Variants in SNURF observed in about 807,000 individuals in gnomAD.
SNURF encodes the protein SNURF protein.
Under a neutral mutation model 11.6 loss-of-function variants are expected in SNURF, and 6 were observed. That is an observed-to-expected ratio of 0.52 (90% CI 0.28 to 1.02). The LOEUF is 1.02. Among genes scored for constraint, SNURF ranks in the 50% least tolerant of loss-of-function variants. The probability of loss-of-function intolerance (pLI) is 0.09; values close to 1 mark genes in which losing one functional copy is unlikely to be tolerated. For missense variants in SNURF, 84 were observed against 88.4 expected, an observed-to-expected ratio of 0.95 and a Z score of 0.20; for synonymous variants, 29 against 31.6, an observed-to-expected ratio of 0.92 and a Z score of 0.27.
At chr15:24,968,048 G>C (rs2075905251) in exon 3 of SNURF, 1 of 1,611,882 alleles carries the variant, frequency 6.2e-7, no homozygotes, top group African/African-American at 1.3e-5. Context: ...AGCCATATTG[G>C]AGTAGCGAGG....
intron 2 of SNURF, among the ~76,000 whole-genome samples, chr15:24,963,955 C>G (rs929147937): frequency 6.6e-6 from 1 of 151,950 alleles, no homozygotes; most frequent in African/African-American, 2.4e-5. Flanking sequence ...TCACTTGATC[C>G]CAGGAGGTTG....
At chr15:24,975,787 T>C (rs910509612) in intron 4 of SNURF, among the ~76,000 whole-genome samples, 1 of 152,206 alleles carries the variant, frequency 6.6e-6, no homozygotes, top group South Asian at 2.1e-4. Context: ...AGAAAAATGC[T>C]ATATTAATTA....
intron 3 of SNURF, chr15:24,974,766 C>A (rs1253580504): frequency 3.3e-6 from 2 of 615,232 alleles, no homozygotes; most frequent in Non-Finnish European, 5.8e-6. Flanking sequence ...ACTGTGTTGG[C>A]CAGGCTGGTC....
Position 24,962,218 on chromosome 15 carries a change from A to G in SNURF, c.110+9A>G. The G allele has an allele frequency of 6.2e-7, 1 of 1,610,512 alleles. No individual in the cohort carries two copies. The highest frequency in any genetic ancestry group is 1.1e-5 in the South Asian group (1 of 91,014). ...TCACTGAGCAACCAAGAGTGAGTAC[A>G]GACTGTGTTGGGAACAAATGCAAGT... On this transcript the variant is annotated intron_variant, in intron 2 of 2. Coordinates refer to ENST00000577949, the Ensembl canonical transcript of SNURF.
At chr15:24,958,457 C>T (rs1230354491) in intron 1 of SNURF, among the ~76,000 whole-genome samples, 1 of 124,518 alleles carries the variant, frequency 8.0e-6, no homozygotes, top group African/African-American at 3.0e-5. Flanking sequence ...GGTAGCCTCT[C>T]TCCATTTCTG....
At chr15:24,958,836 A>C (rs545262014) in intron 1 of SNURF, 1 of 154,450 alleles carries the variant, frequency 6.5e-6, no homozygotes, top group East Asian at 1.9e-4. Flanking sequence ...CTCCTGCCTC[A>C]GCCTCCCAAG....
At chr15:24,967,857 T>A in intron 2 of SNURF, 75 bp from the exon 3 acceptor site, 3 of 1,080,464 alleles carry the variant, frequency 2.8e-6, no homozygotes, top group Non-Finnish European at 4.3e-6. Context: ...TAAGGGTACC[T>A]AGTTTTCTTT....
downstream of SNURF, among the ~76,000 whole-genome samples, chr15:24,970,789 C>T (rs774776029): frequency 2.0e-5 from 3 of 152,092 alleles, no homozygotes; most frequent in Admixed American, 6.6e-5. Flanking sequence ...TTTCTCAGTA[C>T]CACCCTTTGT....
intron 1 of SNURF, among the ~76,000 whole-genome samples, chr15:24,958,496 T>TTG (rs1341538599): frequency 8.3e-5 from 9 of 108,632 alleles, no homozygotes; most frequent in Admixed American, 5.2e-4. Context: ...GTTTTTTTTT[T>TTG]TTTTTTTTTT....
intron 1 of SNURF, among the ~76,000 whole-genome samples, chr15:24,957,867 C>T (rs1179559819): frequency 1.3e-5 from 2 of 152,090 alleles, no homozygotes; most frequent in African/African-American, 4.8e-5. Context: ...CATTCAGGCC[C>T]GGGATCCTAA....
intron 3 of SNURF, chr15:24,975,232 G>A: frequency 1.4e-6 from 1 of 714,762 alleles, no homozygotes; most frequent in Middle Eastern, 2.4e-4. Flanking sequence ...TGGTGAAAAA[G>A]GAGAGAATAT....
intron 5 of SNURF, chr15:24,976,466 A>G (rs1877371514): frequency 8.4e-7 from 1 of 1,186,946 alleles, no homozygotes; most frequent in Non-Finnish European, 1.2e-6. Context: ...GGGACATCAT[A>G]TTATGTGAGA....
chr15:24,974,641 G>C, intron 3 of SNURF: 1 of 669,152 alleles, frequency 1.5e-6, no homozygotes, highest in South Asian at 1.8e-5. Context: ...ATTTTTTTCA[G>C]ACGGGGTCTT....
At chr15:24,978,355 G>A (rs1426145125), downstream of SNURF, 4 of 1,613,620 alleles carry the variant, frequency 2.5e-6, no homozygotes, top group East Asian at 4.5e-5. Flanking sequence ...GTTCAGCCAG[G>A]CCCCTGAATA....
chr15:24,963,299 C>T (rs2153503644), intron 2 of SNURF, among the ~76,000 whole-genome samples: 1 of 152,242 alleles, frequency 6.6e-6, no homozygotes. Context: ...TGGCTATTAA[C>T]AATGAAAAGA....
At chr15:24,975,393 T>G in exon 4 of SNURF, 1 of 1,613,708 alleles carries the variant, frequency 6.2e-7, no homozygotes, top group East Asian at 2.2e-5. Flanking sequence ...TGCAGCACAT[T>G]GACTATAGAA....
intron 3 of SNURF, chr15:24,974,895 A>T: frequency 1.4e-6 from 1 of 702,706 alleles, no homozygotes. Flanking sequence ...GAGAAAATAC[A>T]GGAGTTTTTG....
downstream of SNURF, chr15:24,978,210 C>G (rs768904469): frequency 1.2e-6 from 2 of 1,613,974 alleles, no homozygotes; most frequent in South Asian, 2.2e-5. Flanking sequence ...GGCTCCTCCA[C>G]CTGGTATGAG....
intron 1 of SNURF, among the ~76,000 whole-genome samples, chr15:24,958,520 T>A (rs430743): frequency 0.44 from 53,048 of 120,514 alleles, 12,971 homozygotes; most frequent in African/African-American, 0.6. Flanking sequence ...TTTTTTTTTT[T>A]AAATAGACCA....
Sources: allele counts gnomAD v4.1 joint callset (sites outside exome capture counted in the v4.1 genomes callset), GRCh38; gene constraint gnomAD v4.1.1; transcripts MANE v1.5; gene names NCBI Gene and HGNC (gene_info 2026-07-23, HGNC 2026-07-21).